MIA2: variants seen among roughly 807,000 people sequenced by gnomAD.
The protein encoded by MIA2 is melanoma inhibitory activity protein 2.
In MIA2, 127 loss-of-function variants were observed where a neutral mutation model predicts 167.8. That is an observed-to-expected ratio of 0.76 (90% confidence interval 0.66 to 0.88). The LOEUF (loss-of-function observed/expected upper bound fraction) is 0.88, where lower values mean the gene tolerates loss of function less well. Among genes scored for constraint, MIA2 ranks in the 40% least tolerant of loss-of-function variants. The pLI, the probability that MIA2 is intolerant of heterozygous loss-of-function variation, is 0.00. For missense variants in MIA2, 1,690 were observed against 1,624.7 expected, an observed-to-expected ratio of 1.04 and a Z score of -0.69; for synonymous variants, 552 against 541.9, an observed-to-expected ratio of 1.02 and a Z score of -0.26.
intron 14 of MIA2, among the ~76,000 whole-genome samples, chr14:39,300,385 G>C (rs2062193210): frequency 6.6e-6 from 1 of 151,900 alleles, no homozygotes; most frequent in African/African-American, 2.4e-5. Context: ...TTGATGGAGA[G>C]GAATACTTTT....
chr14:39,311,931 G>A (rs780059420), intron 18 of MIA2, among the ~76,000 whole-genome samples: 1 of 151,454 alleles, frequency 6.6e-6, no homozygotes, highest in Non-Finnish European at 1.5e-5. Context: ...CTGGGTTCAA[G>A]CAATTCTCCT....
At chr14:39,337,760 C>T (rs1448162775) in intron 25 of MIA2, among the ~76,000 whole-genome samples, 2 of 151,994 alleles carry the variant, frequency 1.3e-5, no homozygotes, top group Non-Finnish European at 2.9e-5. Flanking sequence ...CTCTGTCACC[C>T]AGGCTGGAGT....
intron 25 of MIA2, among the ~76,000 whole-genome samples, chr14:39,339,788 G>A (rs1284688397): frequency 2.6e-5 from 4 of 152,098 alleles, no homozygotes; most frequent in African/African-American, 9.7e-5. Flanking sequence ...TACAACTTGA[G>A]AAACAGAATT....
intron 21 of MIA2, among the ~76,000 whole-genome samples, chr14:39,316,611 T>C (rs1168834539): frequency 6.6e-6 from 1 of 152,182 alleles, no homozygotes; most frequent in Non-Finnish European, 1.5e-5. Context: ...GGAGTGGAGA[T>C]TCCAGCCTAG....
intron 23 of MIA2, among the ~76,000 whole-genome samples, chr14:39,362,581 G>T (rs1328193361): frequency 1.3e-5 from 2 of 150,870 alleles, no homozygotes; most frequent in Non-Finnish European, 3.0e-5. Flanking sequence ...TTTTTTTCTT[G>T]GTTAGTCTAG....
In MIA2 at chr14:39,348,990, A is replaced by G; in HGVS notation, c.4072+13A>G. 6.2e-7 allele frequency: 1 copy of G among 1,607,520 alleles called. No individual in the cohort carries two copies. Among genetic ancestry groups the G allele is most frequent in the Non-Finnish European group, 8.5e-7 (1 of 1,174,490 alleles). On this transcript the variant is annotated intron_variant, in intron 28 of 28. Coordinates refer to ENST00000640607, the MANE Select transcript of MIA2 (RefSeq NM_001329214.4). ...GCTCCATTTGCAAGTATGCTTTTTT[A>G]AACTTTTTTTTTAAAGCTCAATATG... is the stretch of plus-strand genomic sequence containing the variant.
Position 39,252,902 on chromosome 14 carries a change from G to A in MIA2, c.1722G>A (p.Leu574=), listed in dbSNP as rs2054642497. 1.2e-6 allele frequency: 2 copies of A among 1,613,730 alleles called. No homozygotes were observed. The part of the protein sequence containing the change: ...VEIDRSVENT[L]LNSQMVSTDN... ...TAGACAGATCTGTGGAAAATACCCT[G>A]CTAAATAGTCAGATGGTTTCAACTG... is the stretch of plus-strand genomic sequence containing the variant. The change falls in exon 5 of 29, where the codon CTG becomes CTA. Residue 574 remains leucine (L), a synonymous_variant. Transcript: ENST00000640607.
At chr14:39,352,492 C>T (rs10130584), downstream of MIA2, among the ~76,000 whole-genome samples, 141,373 of 152,064 alleles carry the variant, frequency 0.93, 65,819 homozygotes, top group East Asian at 0.96. Flanking sequence ...CTTCCTTTTA[C>T]TGGTGTTAGT....
At chr14:39,313,927 GA>G (rs2064842720) in intron 19 of MIA2, among the ~76,000 whole-genome samples, 1 of 151,934 alleles carries the variant, frequency 6.6e-6, no homozygotes, top group South Asian at 2.1e-4. Flanking sequence ...AAAATATAGA[GA>G]AAAAAAGATT....
Position 39,318,023 on chromosome 14 carries a change from A to G in MIA2, c.3284+12A>G. On this transcript the variant is annotated intron_variant, in intron 22 of 28. Transcript: ENST00000640607. ...CACAACAGACAAAAGTAAGTATCTT[A>G]GTGGGAACATTTAAAATTAGTTATT... 1 of 1,545,164 alleles carries G rather than the reference A, an allele frequency of 6.5e-7. No individual in the cohort carries two copies. The highest frequency in any genetic ancestry group is 8.8e-7 in the Non-Finnish European group (1 of 1,142,296).
chr14:39,332,868 C>T lies in MIA2; in HGVS notation c.3655+5846C>T, dbSNP rs960525245. ...AAGACCGGAGCTGTTCCTATTTCGA[C>T]GTCTTGCCTGGGAATCAACAATTTC... On this transcript the variant is annotated intron_variant, in intron 25 of 28. Coordinates refer to ENST00000640607, the MANE Select transcript of MIA2 (RefSeq NM_001329214.4). 6.6e-5 allele frequency among the ~76,000 whole-genome samples: 10 copies of T among 152,102 alleles called. No individual in the cohort carries two copies. The East Asian group carries it at 1.3e-3, about 21-fold the overall frequency.
At chr14:39,298,443 A>ATATATATATATATATATATATATGTATGT (rs1372100362) in intron 13 of MIA2, among the ~76,000 whole-genome samples, 3 of 50,028 alleles carry the variant, frequency 6.0e-5, no homozygotes, top group Admixed American at 2.2e-4. Flanking sequence ...ATATATATAT[A>ATATATATATATATATATATATATGTATGT]AAGATTAGTT....
chr14:39,359,083 AGACAGG>A (rs2074609648), intron 23 of MIA2, among the ~76,000 whole-genome samples: 1 of 152,204 alleles, frequency 6.6e-6, no homozygotes, highest in African/African-American at 2.4e-5. Context: ...CAAAGCTGTC[AGACAGG>A]GACATTTAAG....
intron 23 of MIA2, among the ~76,000 whole-genome samples, chr14:39,380,806 T>G (rs2075142576): frequency 6.6e-6 from 1 of 151,906 alleles, no homozygotes; most frequent in Admixed American, 6.6e-5. Flanking sequence ...TTAAATTTAG[T>G]CTCTATCTAG....
chr14:39,345,255 G>A (rs953351663), intron 25 of MIA2, among the ~76,000 whole-genome samples: 7 of 151,914 alleles, frequency 4.6e-5, no homozygotes, highest in Non-Finnish European at 1.0e-4. Context: ...TATATTTTTA[G>A]TAGAGACAGG....
At chr14:39,332,459 TTGTC>T (rs1271471942) in intron 25 of MIA2, among the ~76,000 whole-genome samples, 2 of 152,222 alleles carry the variant, frequency 1.3e-5, no homozygotes, top group African/African-American at 2.4e-5. Flanking sequence ...GTCGAACTCA[TTGTC>T]TGTCCAGTTT....
intron 23 of MIA2, among the ~76,000 whole-genome samples, chr14:39,366,285 G>A (rs928127761): frequency 9.9e-5 from 15 of 152,138 alleles, no homozygotes; most frequent in African/African-American, 3.4e-4. Context: ...GTATTAACAG[G>A]TCCGAGTAGC....
At position 39,303,496 on chromosome 14, in the gene MIA2, C is replaced by T. The variant is rs1422115473; in HGVS notation, c.2759C>T (p.Ala920Val). Residue 920 changes from alanine to valine, a missense_variant, in exon 16 of 29, where the codon GCT (alanine) becomes GTT (valine). Coordinates refer to ENST00000640607, the MANE Select transcript of MIA2 (RefSeq NM_001329214.4). The stretch of plus-strand genomic sequence containing the variant: ...ACTGTAGATAATCCTCCAAAAGGAG[C>T]TTTGAAGAAACTGATTCATGCTGCT... ...GAYLDNPPKG[A>V]LKKLIHAAKL... The T allele has an allele frequency of 5.6e-6, 9 of 1,610,976 alleles. No individual in the cohort carries two copies. The highest frequency in any genetic ancestry group is 7.6e-6 in the Non-Finnish European group (9 of 1,178,076).
Position 39,314,818 on chromosome 14 carries a change from G to GTGTGTGTGTGTA in MIA2, c.3180+30_3180+31insATGTGTGTGTGT. On this transcript the variant is annotated intron_variant, in intron 20 of 28. Transcript: ENST00000640607. Reference sequence around the variant, plus strand: ...AGGGCAGGTATATATATATGTGTGTGTGTGTGTGTGTGTGTGTGTATATAT... The same window carrying GTGTGTGTGTGTA: ...AGGGCAGGTATATATATATGTGTGTGTGTGTGTGTGTATGTGTGTGTGTGTGTGTGTATATAT... 8.5e-7 allele frequency: 1 copy of GTGTGTGTGTGTA among 1,171,608 alleles called. No individual in the cohort carries two copies. Among genetic ancestry groups the GTGTGTGTGTGTA allele is most frequent in the South Asian group, 1.9e-5 (1 of 53,002 alleles). 72.6% of individuals were successfully genotyped at this position (1,171,608 alleles called of 1,614,324 possible). A position where few individuals can be genotyped will look rare whatever the true frequency, so the allele number is the denominator to read the frequency against.
Sources: allele counts gnomAD v4.1 joint callset (sites outside exome capture counted in the v4.1 genomes callset), GRCh38; gene constraint gnomAD v4.1.1; transcripts MANE v1.5; gene names NCBI Gene and HGNC (gene_info 2026-07-23, HGNC 2026-07-21).